Variants in APELA observed in about 807,000 individuals in gnomAD.
APELA encodes the protein apelin receptor early endogenous ligand, also known as protein Elabela.
intron 2 of APELA, among the ~76,000 whole-genome samples, chr4:164,886,281 C>T (rs944528973): frequency 1.3e-5 from 2 of 152,148 alleles, no homozygotes; most frequent in Non-Finnish European, 2.9e-5. Context: ...TTAATCACAG[C>T]CCAGTGTCCA....
rs1300422822 is a variant in APELA at position 164,896,004 on chromosome 4, GT to G, written c.*597del. 3 of 152,142 alleles carry G rather than the reference GT, an allele frequency of 2.0e-5. No individual in the cohort carries two copies. The highest frequency in any genetic ancestry group is 4.4e-5 in the Non-Finnish European group (3 of 68,024). 9.4% of individuals were successfully genotyped at this position (152,142 alleles called of 1,614,324 possible). On this transcript the variant is annotated 3_prime_UTR_variant, in exon 3 of 3. Transcript: ENST00000507152. ...TAAGCTTTAAGGTTTATGAAAGTAT[GT>G]TTTTTTATTTAATGAGTAATGTCCA...
intron 2 of APELA, among the ~76,000 whole-genome samples, chr4:164,882,786 C>T (rs1428591357): frequency 1.3e-5 from 2 of 152,032 alleles, no homozygotes; most frequent in Non-Finnish European, 2.9e-5. Context: ...GTGATGTTCC[C>T]CTTCCTGTGT....
intron 2 of APELA, among the ~76,000 whole-genome samples, chr4:164,891,083 C>G (rs931551398): frequency 1.3e-5 from 2 of 151,962 alleles, no homozygotes; most frequent in Non-Finnish European, 2.9e-5. Context: ...GTCTTTATAT[C>G]GTTGAGCTGT....
At chr4:164,885,420 C>T (rs1039771813) in intron 2 of APELA, among the ~76,000 whole-genome samples, 5 of 151,112 alleles carry the variant, frequency 3.3e-5, no homozygotes, top group Admixed American at 6.6e-5. Context: ...TGTGATCCAT[C>T]GTGCCCAGCC....
At chr4:164,891,958 A>G (rs1272450692) in intron 2 of APELA, among the ~76,000 whole-genome samples, 2 of 152,086 alleles carry the variant, frequency 1.3e-5, no homozygotes, top group African/African-American at 2.4e-5. Context: ...AAGATTGATG[A>G]ATGTTGTTAT....
At chr4:164,887,070 T>C (rs1004450128) in intron 2 of APELA, among the ~76,000 whole-genome samples, 9 of 152,034 alleles carry the variant, frequency 5.9e-5, no homozygotes, top group African/African-American at 1.4e-4. Context: ...TCAGGTGATC[T>C]TCCCACCTCA....
intron 2 of APELA, among the ~76,000 whole-genome samples, chr4:164,893,534 T>C (rs1560861480): frequency 6.6e-6 from 1 of 152,216 alleles, no homozygotes; most frequent in Non-Finnish European, 1.5e-5. Context: ...CTTCCTCAGT[T>C]GACCCTTTTA....
intron 2 of APELA, among the ~76,000 whole-genome samples, chr4:164,883,009 C>G (rs902979907): frequency 2.8e-4 from 42 of 152,272 alleles, no homozygotes; most frequent in African/African-American, 8.4e-4. Flanking sequence ...GTCACCCTCA[C>G]TTGGTATTCA....
At chr4:164,877,884 T>C (rs1730583590) in intron 1 of APELA, among the ~76,000 whole-genome samples, 1 of 152,146 alleles carries the variant, frequency 6.6e-6, no homozygotes, top group Non-Finnish European at 1.5e-5. Context: ...TCAATAGCTG[T>C]CATTTCTAAT....
At chr4:164,894,473 G>C (rs942228898) in intron 2 of APELA, among the ~76,000 whole-genome samples, 34 of 151,474 alleles carry the variant, frequency 2.2e-4, no homozygotes, top group African/African-American at 8.3e-4. Context: ...CTGGAGTGCA[G>C]TGGCTTGATC....
intron 2 of APELA, among the ~76,000 whole-genome samples, chr4:164,887,164 AAATGTGTAAT>A: frequency 6.6e-6 from 1 of 152,236 alleles, no homozygotes; most frequent in Admixed American, 6.5e-5. Context: ...TCTCCTTACA[AAATGTGTAAT>A]AATTCTTTCC....
intron 2 of APELA, among the ~76,000 whole-genome samples, chr4:164,882,569 C>A (rs1248364038): frequency 6.6e-6 from 1 of 151,596 alleles, no homozygotes. Flanking sequence ...GAAAAAGTGT[C>A]TTTTAATACA....
rs1560858133 is a variant in APELA at position 164,884,152 on chromosome 4, A to AAAGAAAGG, written c.*1+5145_*1+5152dup. ...GAAAGAAAGAAAGAAAGAAAGAAAGAAAGAAAGGAGAAGAGAAAGAAAGGA... is the reference window on the plus strand; with the variant it reads ...GAAAGAAAGAAAGAAAGAAAGAAAGAAAGAAAGGAAGAAAGGAGAAGAGAAAGAAAGGA... On this transcript the variant is annotated intron_variant, in intron 2 of 2. Transcript: ENST00000507152. Among the ~76,000 whole-genome samples, 12 of 149,488 alleles carry AAAGAAAGG rather than the reference A, an allele frequency of 8.0e-5. No homozygotes were observed. In the East Asian group the frequency reaches 1.9e-3, roughly 24 times the overall value.
At chr4:164,879,668 C>A (rs1730623068) in intron 2 of APELA, among the ~76,000 whole-genome samples, 1 of 152,218 alleles carries the variant, frequency 6.6e-6, no homozygotes, top group South Asian at 2.1e-4. Flanking sequence ...TGGTCTCGAA[C>A]TCCTAGCCTC....
At position 164,897,514 on chromosome 4, in the gene APELA, C is replaced by G. The variant is rs1013460851; in HGVS notation, c.*2100C>G. 2 of 152,152 alleles carry G rather than the reference C, an allele frequency of 1.3e-5. No individual in the cohort carries two copies. The highest frequency in any genetic ancestry group is 1.5e-5 in the Non-Finnish European group (1 of 68,036). 9.4% of individuals were successfully genotyped at this position (152,152 alleles called of 1,614,324 possible). A position where few individuals can be genotyped will look rare whatever the true frequency, so the allele number is the denominator to read the frequency against. On this transcript the variant is annotated 3_prime_UTR_variant, in exon 3 of 3. Coordinates refer to ENST00000507152, the MANE Select transcript of APELA (RefSeq NM_001297550.2). ...CATTTCTTAATTGTTCAATAAAACA[C>G]TCAATGATTTGCATGTCTGGCTGTC...
chr4:164,882,988 GA>G (rs1730691031), intron 2 of APELA, among the ~76,000 whole-genome samples: 1 of 152,098 alleles, frequency 6.6e-6, no homozygotes, highest in African/African-American at 2.4e-5. Context: ...GAGTCCAACT[GA>G]TACTCTCTTG....
At chr4:164,881,576 A>G (rs1233380766) in intron 2 of APELA, among the ~76,000 whole-genome samples, 2 of 151,508 alleles carry the variant, frequency 1.3e-5, no homozygotes, top group East Asian at 1.9e-4. Context: ...CTTCAGTCCT[A>G]AGTGATTTAG....
intron 2 of APELA, among the ~76,000 whole-genome samples, chr4:164,886,923 T>G (rs1730784458): frequency 6.6e-6 from 1 of 151,952 alleles, no homozygotes; most frequent in Non-Finnish European, 1.5e-5. Flanking sequence ...CCTCCCAGGT[T>G]CAAGCAGTTC....
At chr4:164,890,634 C>T (rs1253332438) in intron 2 of APELA, among the ~76,000 whole-genome samples, 1 of 152,134 alleles carries the variant, frequency 6.6e-6, no homozygotes, top group Non-Finnish European at 1.5e-5. Context: ...TTTTGTTTGT[C>T]CAGTCACCTA....
Sources: allele counts gnomAD v4.1 joint callset (sites outside exome capture counted in the v4.1 genomes callset), GRCh38; gene constraint gnomAD v4.1.1; transcripts MANE v1.5; gene names NCBI Gene and HGNC (gene_info 2026-07-23, HGNC 2026-07-21).